RTN4: variants seen among roughly 807,000 people sequenced by gnomAD.
RTN4 encodes the protein reticulon 4.
RTN4 carries 32 observed loss-of-function variants against 90.4 expected under a neutral mutation model. The observed-to-expected ratio is 0.35, with a 90% CI of 0.27 to 0.48. The LOEUF (loss-of-function observed/expected upper bound fraction) is 0.48, where lower values mean the gene tolerates loss of function less well. RTN4 is among the 20% of genes least tolerant of loss of function. The pLI is 0.99. For missense variants in RTN4, 1,706 were observed against 1,430.2 expected, an observed-to-expected ratio of 1.19 and a Z score of -3.11; for synonymous variants, 629 against 552.5, an observed-to-expected ratio of 1.14 and a Z score of -1.94.
chr2:55,093,015 A>ATGTGTGTGTGTC (rs1381550217), intron 1 of RTN4, among the ~76,000 whole-genome samples: 2 of 152,252 alleles, frequency 1.3e-5, no homozygotes, highest in East Asian at 3.8e-4. Flanking sequence ...ACTAATAAAA[A>ATGTGTGTGTGTC]TAACCATTGT....
At chr2:55,103,611 A>C (rs1667891454) in intron 1 of RTN4, among the ~76,000 whole-genome samples, 1 of 152,126 alleles carries the variant, frequency 6.6e-6, no homozygotes, top group South Asian at 2.1e-4. Flanking sequence ...CCTTAAACCC[A>C]CAGAGCTGTG....
chr2:55,002,500 C>T (rs910519966), intron 3 of RTN4, among the ~76,000 whole-genome samples: 2 of 152,170 alleles, frequency 1.3e-5, no homozygotes, highest in African/African-American at 4.8e-5. Context: ...TAACACCATA[C>T]ATGCTTCATT....
intron 3 of RTN4, among the ~76,000 whole-genome samples, chr2:55,001,460 C>T (rs963521146): frequency 6.6e-6 from 1 of 152,156 alleles, no homozygotes; most frequent in African/African-American, 2.4e-5. Flanking sequence ...TATGAAGTTG[C>T]ATAGGAAAGA....
intron 1 of RTN4, among the ~76,000 whole-genome samples, chr2:55,045,914 T>C (rs546466029): frequency 3.5e-4 from 54 of 152,318 alleles, no homozygotes; most frequent in Admixed American, 1.2e-3. Flanking sequence ...GCGCATATCC[T>C]CAAAGCCTAA....
At chr2:54,975,701 G>A (rs1677571465) in intron 5 of RTN4, among the ~76,000 whole-genome samples, 1 of 152,160 alleles carries the variant, frequency 6.6e-6, no homozygotes, top group South Asian at 2.1e-4. Flanking sequence ...CTTTCTCCAT[G>A]TATTAAACGA....
At chr2:55,022,788 C>T (rs1019442737) in intron 3 of RTN4, among the ~76,000 whole-genome samples, 26 of 152,008 alleles carry the variant, frequency 1.7e-4, no homozygotes, top group African/African-American at 5.8e-4. Flanking sequence ...GACCTCACCT[C>T]TAGCAATCTT....
intron 1 of RTN4, among the ~76,000 whole-genome samples, chr2:55,035,781 A>G (rs748630712): frequency 2.2e-4 from 34 of 152,162 alleles, no homozygotes; most frequent in Non-Finnish European, 4.3e-4. Context: ...CTAAAAACGT[A>G]AGAGAATATT....
At position 54,973,067 on chromosome 2, in the gene RTN4, T is replaced by G. The variant is rs200843623; in HGVS notation, c.*89A>C. The stretch of plus-strand genomic sequence containing the variant: ...CGATCTGTGAAACTGCACTGCAACG[T>G]CAAGGTTCGTTCTTCCCTGACCCTC... On this transcript the variant is annotated 3_prime_UTR_variant, in exon 9 of 9. Transcript: ENST00000337526. The G allele has an allele frequency of 9.2e-7, 1 of 1,085,028 alleles. No homozygotes were observed. The highest frequency in any genetic ancestry group is 2.0e-5 in the Admixed American group (1 of 49,262). 67.2% of individuals were successfully genotyped at this position (1,085,028 alleles called of 1,614,324 possible).
At chr2:55,126,478 A>G in the RTN4 span, among the ~76,000 whole-genome samples, 1 of 152,232 alleles carries the variant, frequency 6.6e-6, no homozygotes, top group Non-Finnish European at 1.5e-5. Flanking sequence ...ACAAGGAGAT[A>G]CCATCTCACA....
intron 1 of RTN4, among the ~76,000 whole-genome samples, chr2:55,029,955 T>C (rs1443621686): frequency 2.0e-5 from 3 of 152,192 alleles, no homozygotes; most frequent in African/African-American, 4.8e-5. Flanking sequence ...AATGAATTAT[T>C]AGCTTGTATA....
At chr2:55,082,407 C>G (rs1668738426) in intron 1 of RTN4, among the ~76,000 whole-genome samples, 1 of 152,218 alleles carries the variant, frequency 6.6e-6, no homozygotes, top group Non-Finnish European at 1.5e-5. Context: ...GGAGCAGCCA[C>G]CACAAACCAA....
chr2:55,109,183 G>A (rs951335923), intron 1 of RTN4, among the ~76,000 whole-genome samples: 2 of 152,140 alleles, frequency 1.3e-5, no homozygotes, highest in Admixed American at 1.3e-4. Context: ...TTAGAAGAGT[G>A]CTAAATTCCT....
intron 1 of RTN4, among the ~76,000 whole-genome samples, chr2:55,090,851 C>T (rs2105043853): frequency 6.6e-6 from 1 of 152,298 alleles, no homozygotes; most frequent in East Asian, 1.9e-4. Context: ...GCCCCACATC[C>T]ACTCAGTTGC....
chr2:55,097,728 T>A (rs1435651753), intron 1 of RTN4, among the ~76,000 whole-genome samples: 1 of 152,038 alleles, frequency 6.6e-6, no homozygotes, highest in East Asian at 1.9e-4. Flanking sequence ...GAGCTCAGTT[T>A]TGGAACATGT....
chr2:55,036,091 C>T (rs1482835753), intron 1 of RTN4, among the ~76,000 whole-genome samples: 8 of 152,090 alleles, frequency 5.3e-5, no homozygotes, highest in Non-Finnish European at 1.2e-4. Flanking sequence ...GCAAACACTT[C>T]CCATAAAATT....
intron 3 of RTN4, among the ~76,000 whole-genome samples, chr2:54,993,063 G>C (rs1679139730): frequency 8.7e-6 from 1 of 115,558 alleles, no homozygotes; most frequent in Non-Finnish European, 1.6e-5. Flanking sequence ...AACAGAGCGA[G>C]ACTCCATCTC....
In RTN4 at chr2:55,059,124, A is replaced by AT. The variant is rs974777648; in HGVS notation, c.-63+21364dup. On this transcript the variant is annotated intron_variant, in intron 2 of 3. Coordinates refer to the RTN4 transcript ENST00000427710. The stretch of plus-strand genomic sequence containing the variant: ...GAGATGACCTTGAGCAAGTCAATTC[A>AT]TTTTTTTTTCAACCCAGCCTATGAC... Among the ~76,000 whole-genome samples, 22 of 150,222 alleles carry AT rather than the reference A, an allele frequency of 1.5e-4. 1 individual carries two copies. The highest frequency in any genetic ancestry group is 2.7e-4 in the African/African-American group (11 of 40,912).
At chr2:55,074,517 C>CAAAAAAAAAAAA (rs778275041) in intron 2 of RTN4, among the ~76,000 whole-genome samples, 1 of 59,642 alleles carries the variant, frequency 1.7e-5, no homozygotes, top group Non-Finnish European at 3.6e-5. Context: ...CTGCCCTCAC[C>CAAAAAAAAAAAA]AAAAAAAAAA....
intron 3 of RTN4, among the ~76,000 whole-genome samples, chr2:55,009,343 C>A (rs892956636): frequency 6.6e-6 from 1 of 151,984 alleles, no homozygotes; most frequent in African/African-American, 2.4e-5. Flanking sequence ...TAGATTTAAC[C>A]ATCTACATAA....
Sources: allele counts gnomAD v4.1 joint callset (sites outside exome capture counted in the v4.1 genomes callset), GRCh38; gene constraint gnomAD v4.1.1; transcripts MANE v1.5; gene names NCBI Gene and HGNC (gene_info 2026-07-23, HGNC 2026-07-21).